VNN1: variants seen among roughly 807,000 people sequenced by gnomAD.
The protein encoded by VNN1 is vanin 1.
VNN1 carries 29 observed loss-of-function variants against 41.9 expected under a neutral mutation model. The observed-to-expected ratio is 0.69, with a 90% CI of 0.52 to 0.94. VNN1 has a LOEUF of 0.94. Ranked by LOEUF, VNN1 falls within the 40% of genes least tolerant of loss-of-function variation. The pLI is 0.00. For synonymous variants in VNN1, 233 were observed against 224.4 expected (o/e 1.04, Z -0.34); for missense variants, 637 against 621.1 (o/e 1.03, Z -0.27).
At chr6:132,701,560 A>T (rs1778449489) in intron 2 of VNN1, among the ~76,000 whole-genome samples, 1 of 152,206 alleles carries the variant, frequency 6.6e-6, no homozygotes, top group African/African-American at 2.4e-5. Flanking sequence ...GCAATCAGGC[A>T]AGAGGAAGAA....
chr6:132,713,579 C>T (rs1778632866), intron 1 of VNN1, among the ~76,000 whole-genome samples: 1 of 152,194 alleles, frequency 6.6e-6, no homozygotes, highest in African/African-American at 2.4e-5. Flanking sequence ...TGGCCAGTTC[C>T]TCAAAGGTCT....
At chr6:132,703,503 A>G (rs757032426) in intron 2 of VNN1, among the ~76,000 whole-genome samples, 17 of 152,140 alleles carry the variant, frequency 1.1e-4, no homozygotes, top group Non-Finnish European at 2.4e-4. Context: ...AAAATAATGA[A>G]CTATAAGTTG....
rs1778114272 is a variant in VNN1, at chr6:132,681,165, T to A, written c.*1975A>T. Among the ~76,000 whole-genome samples, 1 of 152,192 alleles carries A rather than the reference T, an allele frequency of 6.6e-6. No homozygotes were observed. The highest frequency in any genetic ancestry group is 1.5e-5 in the Non-Finnish European group (1 of 68,028). ...CCAACATCATGTGGAAGAAGAGATG[T>A]CACTTCTGTGATTAGGTTTTCAAAG... On this transcript the variant is annotated 3_prime_UTR_variant, in exon 7 of 7. Coordinates refer to ENST00000367928, the MANE Select transcript of VNN1 (RefSeq NM_004666.3).
chr6:132,693,310 G>T lies in VNN1; in HGVS notation c.540C>A (p.Asn180Lys), dbSNP rs775456272. The change falls in exon 4 of 7, where the codon AAC becomes AAA. Residue 180 changes from asparagine (N) to lysine (K), a missense_variant. Coordinates refer to ENST00000367928, the MANE Select transcript of VNN1 (RefSeq NM_004666.3). Reference protein sequence around the residue: ...GKLVARYHKQNLFMGENQFNV... With the variant: ...GKLVARYHKQKLFMGENQFNV... Reference sequence around the variant, plus strand: ...TGAATTGATTTTCACCCATGAAAAGGTTTTGCTGCAATAAACAGAAGATAA... The same window carrying T: ...TGAATTGATTTTCACCCATGAAAAGTTTTTGCTGCAATAAACAGAAGATAA... 3 of 1,598,462 alleles carry T rather than the reference G, an allele frequency of 1.9e-6. No homozygotes were observed. Among genetic ancestry groups the T allele is most frequent in the Middle Eastern group, 1.7e-4 (1 of 5,962 alleles).
intron 2 of VNN1, among the ~76,000 whole-genome samples, chr6:132,707,992 T>C (rs1429196546): frequency 6.6e-6 from 1 of 152,244 alleles, no homozygotes; most frequent in African/African-American, 2.4e-5. Flanking sequence ...CCATTCTTCA[T>C]GATGTGATTG....
rs1778392979 is a variant in VNN1 at position 132,697,690 on chromosome 6, T to C, written c.342-3508A>G. On this transcript the variant is annotated intron_variant, in intron 2 of 6. Coordinates refer to ENST00000367928, the MANE Select transcript of VNN1 (RefSeq NM_004666.3). ...TAGATCTACAAACAAATTTGTATAA[T>C]GAATATAAGGAAAGCCATAGCAATC... 2.6e-5 allele frequency among the ~76,000 whole-genome samples: 4 copies of C among 151,254 alleles called. No individual in the cohort carries two copies. The South Asian group carries it at 8.4e-4, about 32-fold the overall frequency.
Position 132,692,306 on chromosome 6 carries a change from T to A in VNN1, c.1105A>T (p.Met369Leu). The A allele has an allele frequency of 3.1e-6, 5 of 1,614,214 alleles. No individual in the cohort carries two copies. The highest frequency in any genetic ancestry group is 4.2e-6 in the Non-Finnish European group (5 of 1,180,016). The stretch of plus-strand genomic sequence containing the variant: ...ACTTCATTTGGTATGTTCTCAGACA[T>A]TTTGTAGCTTAAATGACAGCAGAGA... ...KDLCCHLSYK[M>L]SENIPNEVYA... The change falls in exon 5 of 7, where the codon ATG becomes TTG. Residue 369 changes from methionine (M) to leucine (L), a missense_variant. Coordinates refer to ENST00000367928, the MANE Select transcript of VNN1 (RefSeq NM_004666.3).
rs371332344 is a variant in VNN1 at position 132,699,221 on chromosome 6, G to C, written c.342-5039C>G. The C allele has an allele frequency of 8.3e-5, 27 of 326,022 alleles. 2 individuals carry two copies. The highest frequency in any genetic ancestry group is 4.7e-4 in the East Asian group (5 of 10,548). 20.2% of individuals were successfully genotyped at this position (326,022 alleles called of 1,614,324 possible). A position where few individuals can be genotyped will look rare whatever the true frequency, so the allele number is the denominator to read the frequency against. On this transcript the variant is annotated intron_variant, in intron 2 of 6. Transcript: ENST00000367928. ...TGCATTGGAGAAGTTGTAATGTAAA[G>C]TGAAAGCTACTACTGCCTTTCAATT... is the stretch of plus-strand genomic sequence containing the variant.
At chr6:132,706,350 C>T (rs1248913471) in intron 2 of VNN1, among the ~76,000 whole-genome samples, 1 of 152,038 alleles carries the variant, frequency 6.6e-6, no homozygotes, top group Non-Finnish European at 1.5e-5. Flanking sequence ...GAAATAAACC[C>T]AAATATCTAC....
At chr6:132,692,990 C>A (rs1778314255) in intron 4 of VNN1, 34 bp downstream of exon 4, 1 of 1,542,800 alleles carries the variant, frequency 6.5e-7, no homozygotes, top group Non-Finnish European at 8.7e-7. Context: ...TTTCTGATTA[C>A]ATCAGCCTGC....
rs556208167 is a variant in VNN1, at chr6:132,708,537, T to C, written c.341+3172A>G. On this transcript the variant is annotated intron_variant, in intron 2 of 6. Transcript: ENST00000367928. ...TGGTGAATATGAGAAGAGAAAGCAA[T>C]CAACTATGTGCATACTTCAAACATA... Among the ~76,000 whole-genome samples, 3 of 152,278 alleles carry C rather than the reference T, an allele frequency of 2.0e-5. No homozygotes were observed. The East Asian group carries it at 5.8e-4, about 29-fold the overall frequency.
At chr6:132,710,610 A>G (rs1338836199) in intron 2 of VNN1, among the ~76,000 whole-genome samples, 1 of 152,090 alleles carries the variant, frequency 6.6e-6, no homozygotes, top group Non-Finnish European at 1.5e-5. Flanking sequence ...CTTATGAGCG[A>G]GAACATGCAG....
At chr6:132,707,652 T>TA (rs1447400469) in intron 2 of VNN1, among the ~76,000 whole-genome samples, 2 of 152,200 alleles carry the variant, frequency 1.3e-5, no homozygotes, top group Non-Finnish European at 2.9e-5. Flanking sequence ...TGAAATAACG[T>TA]AAGTTAGGCA....
chr6:132,689,807 G>C (rs1191686100), intron 5 of VNN1, among the ~76,000 whole-genome samples: 1 of 152,206 alleles, frequency 6.6e-6, no homozygotes, highest in Non-Finnish European at 1.5e-5. Flanking sequence ...TCAGACCAAA[G>C]TATTCAACAG....
At chr6:132,690,687 C>T (rs909490896) in intron 5 of VNN1, among the ~76,000 whole-genome samples, 5 of 152,158 alleles carry the variant, frequency 3.3e-5, no homozygotes, top group African/African-American at 1.2e-4. Flanking sequence ...TAAATAAATA[C>T]CTGGCATATA....
intron 1 of VNN1, 125 bp downstream of exon 1, chr6:132,713,701 G>A (rs1194634004): frequency 9.8e-7 from 1 of 1,023,784 alleles, no homozygotes; most frequent in Admixed American, 2.7e-5. Context: ...TAAAATAAAG[G>A]TTCTTGGCTA....
chr6:132,681,763 A>G lies in VNN1; in HGVS notation c.*1377T>C, dbSNP rs1389939673. On this transcript the variant is annotated 3_prime_UTR_variant, in exon 7 of 7. Coordinates refer to ENST00000367928, the MANE Select transcript of VNN1 (RefSeq NM_004666.3). The stretch of plus-strand genomic sequence containing the variant: ...CTTGAAAAAAAGCAAATGTCAGTTA[A>G]TGTCACCCAAAAGAACAAGGGATTT... 1 of 152,670 alleles carries G rather than the reference A, an allele frequency of 6.6e-6. No homozygotes were observed. The highest frequency in any genetic ancestry group is 1.9e-4 in the East Asian group (1 of 5,194). The allele number at this position is 152,670 out of a possible 1,614,324, so 9.5% of individuals were successfully genotyped here.
At chr6:132,710,374 A>G (rs965759979) in intron 2 of VNN1, among the ~76,000 whole-genome samples, 1 of 151,978 alleles carries the variant, frequency 6.6e-6, no homozygotes, top group Non-Finnish European at 1.5e-5. Flanking sequence ...TTTTAATTTT[A>G]GTATTATTAT....
At chr6:132,701,298 T>A (rs1778446146) in intron 2 of VNN1, among the ~76,000 whole-genome samples, 1 of 152,194 alleles carries the variant, frequency 6.6e-6, no homozygotes, top group South Asian at 2.1e-4. Context: ...AGGTTAATAT[T>A]CTAGGCAGTA....
Sources: gnomAD v4.1 joint callset for allele counts (sites outside exome capture counted in the v4.1 genomes callset) on GRCh38, gnomAD v4.1.1 for gene constraint, MANE v1.5 for transcripts, NCBI Gene and HGNC (gene_info 2026-07-23, HGNC 2026-07-21) for gene names.